Variants in RPH3AL observed in about 807,000 individuals in gnomAD.
RPH3AL encodes the protein rabphilin 3A like (without C2 domains), also known as rab effector Noc2.
A neutral mutation model predicts 43.1 loss-of-function variants in RPH3AL; 38 were observed. That is an observed-to-expected ratio of 0.88 (90% CI 0.68 to 1.15). The LOEUF (loss-of-function observed/expected upper bound fraction) is 1.15, where lower values mean the gene tolerates loss of function less well. Among genes scored for constraint, RPH3AL ranks in the 50% most tolerant of loss-of-function variants. RPH3AL has a pLI of 0.00. For synonymous variants in RPH3AL, 189 were observed against 176.3 expected, an observed-to-expected ratio of 1.07 and a Z score of -0.57; for missense variants, 462 against 423.2, an observed-to-expected ratio of 1.09 and a Z score of -0.81.
intron 7 of RPH3AL, among the ~76,000 whole-genome samples, chr17:236,001 A>AGGGTTCAAAGC (rs2041384187): frequency 4.1e-5 from 4 of 98,604 alleles, no homozygotes; most frequent in Non-Finnish European, 6.9e-5. Flanking sequence ...AGACGGGTCC[A>AGGGTTCAAAGC]TGGGTCAAAG....
intron 7 of RPH3AL, among the ~76,000 whole-genome samples, chr17:242,644 C>CCCTTCCTCTATTGACTA (rs1567576628): frequency 4.7e-5 from 6 of 128,762 alleles, no homozygotes; most frequent in Admixed American, 1.5e-4. Flanking sequence ...CTATTGATTA[C>CCCTTCCTCTATTGACTA]CCTTCCTCTA....
intron 1 of RPH3AL, among the ~76,000 whole-genome samples, chr17:351,793 G>C (rs2045358557): frequency 6.6e-6 from 1 of 152,018 alleles, no homozygotes; most frequent in Non-Finnish European, 1.5e-5. Context: ...GCCACAAATA[G>C]AAGGCAGATG....
chr17:253,333 C>T (rs1423406810), intron 6 of RPH3AL, among the ~76,000 whole-genome samples: 13 of 152,164 alleles, frequency 8.5e-5, no homozygotes, highest in South Asian at 4.2e-4. Context: ...CCATCTCTGT[C>T]GTGAGTCTTC....
rs1470572617 is a variant in RPH3AL, at chr17:242,987, A to AC, written c.613+4123dup. Among the ~76,000 whole-genome samples the AC allele has an allele frequency of 3.2e-4, 41 of 127,108 alleles. 1 individual carries two copies. The highest frequency in any genetic ancestry group is 4.9e-3 in the Middle Eastern group (1 of 204). The allele number at this position is 127,108 out of a possible 152,430, so 83.4% of individuals were successfully genotyped here. ...TATTGACTACCTTCCTCTATTGAAT[A>AC]CCTTCCTCTATTGAATACCTTCCTC... is the stretch of plus-strand genomic sequence containing the variant. On this transcript the variant is annotated intron_variant, in intron 7 of 9. Coordinates refer to ENST00000331302, the MANE Select transcript of RPH3AL (RefSeq NM_006987.4).
At chr17:259,618 C>T (rs868984035) in intron 6 of RPH3AL, among the ~76,000 whole-genome samples, 2 of 152,244 alleles carry the variant, frequency 1.3e-5, no homozygotes, top group Non-Finnish European at 2.9e-5. Flanking sequence ...CAAAACCCTA[C>T]TCGGCTCCCC....
intron 3 of RPH3AL, among the ~76,000 whole-genome samples, chr17:325,518 G>A (rs540306639): frequency 3.9e-5 from 6 of 152,170 alleles, no homozygotes; most frequent in South Asian, 2.1e-4. Context: ...GCCTGGAAGC[G>A]CTTCCCCCCT....
At chr17:282,233 G>T (rs2042798239) in intron 5 of RPH3AL, among the ~76,000 whole-genome samples, 1 of 152,242 alleles carries the variant, frequency 6.6e-6, no homozygotes, top group South Asian at 2.1e-4. Context: ...CGACGGCGGT[G>T]CTGCCTGGAA....
intron 6 of RPH3AL, among the ~76,000 whole-genome samples, chr17:275,320 G>C (rs2042628795): frequency 6.6e-6 from 1 of 151,738 alleles, no homozygotes; most frequent in Non-Finnish European, 1.5e-5. Context: ...TTTTACAATG[G>C]GATATAGACC....
intron 5 of RPH3AL, among the ~76,000 whole-genome samples, chr17:286,701 G>A (rs376172974): frequency 1.3e-5 from 2 of 152,172 alleles, no homozygotes; most frequent in South Asian, 4.1e-4. Flanking sequence ...GTCTAGGACA[G>A]TCCCGGGGCC....
At chr17:318,724 A>G (rs564441320) in intron 5 of RPH3AL, among the ~76,000 whole-genome samples, 1 of 152,358 alleles carries the variant, frequency 6.6e-6, no homozygotes, top group Admixed American at 6.5e-5. Context: ...TAAAAGCTAT[A>G]TTTAAAAAGT....
intron 3 of RPH3AL, chr17:321,670 C>T (rs868835411): frequency 3.6e-5 from 17 of 471,866 alleles, no homozygotes; most frequent in South Asian, 6.7e-5. Context: ...GCAACAGAGA[C>T]GGGGCAGGTG....
rs186940410 is a variant in RPH3AL at position 229,528 on chromosome 17, C to T, written c.614-9792G>A. Among the ~76,000 whole-genome samples the T allele has an allele frequency of 2.7e-3, 418 of 152,350 alleles. 2 individuals carry two copies. Among genetic ancestry groups the T allele is most frequent in the East Asian group, 0.014 (73 of 5,178 alleles). ...GAGCTGGGGTTTCCCCCAGGACAAG[C>T]GCTGGGCAAGCAGCCCTTCTGAGCC... On this transcript the variant is annotated intron_variant, in intron 7 of 9. Transcript: ENST00000331302.
chr17:323,553 C>T lies in RPH3AL; in HGVS notation c.78-2138G>A, dbSNP rs894576724. 8.5e-5 allele frequency among the ~76,000 whole-genome samples: 13 copies of T among 152,198 alleles called. No homozygotes were observed. Among genetic ancestry groups the T allele is most frequent in the African/African-American group, 2.9e-4 (12 of 41,450 alleles). On this transcript the variant is annotated intron_variant, in intron 3 of 9. Coordinates refer to ENST00000331302, the MANE Select transcript of RPH3AL (RefSeq NM_006987.4). This position sits in a 1 kb window ranked among gnomAD's most constrained non-coding sequence, Gnocchi z 4.4. ...GGGCCAGGACACACTTCGTGTGGTTCCCGGGCCAGGGGAAGGGAGTTGGAA... is the reference window on the plus strand; with the variant it reads ...GGGCCAGGACACACTTCGTGTGGTTTCCGGGCCAGGGGAAGGGAGTTGGAA...
intron 5 of RPH3AL, among the ~76,000 whole-genome samples, chr17:314,242 ACCACAGGCCAGGCTCTGTGCCTCT>A (rs1249740116): frequency 1.3e-5 from 2 of 152,058 alleles, no homozygotes; most frequent in Non-Finnish European, 2.9e-5. Flanking sequence ...TGGAATATTT[ACCACAGGCCAGGCTCTGTGCCTCT>A]CCACAGGCCC....
chr17:213,630 C>G lies in RPH3AL; in HGVS notation c.*222G>C, dbSNP rs1384324138. The G allele has an allele frequency of 8.4e-6, 5 of 594,500 alleles. No individual in the cohort carries two copies. The highest frequency in any genetic ancestry group is 1.5e-5 in the Non-Finnish European group (5 of 332,188). 36.8% of individuals were successfully genotyped at this position (594,500 alleles called of 1,614,324 possible). A position where few individuals can be genotyped will look rare whatever the true frequency, so the allele number is the denominator to read the frequency against. On this transcript the variant is annotated 3_prime_UTR_variant, in exon 10 of 10. Transcript: ENST00000331302. Reference sequence around the variant, plus strand: ...GGAGGGTAATAAATAAGGTCGGGGGCTGAGGGCAGTGGTTGGAGGGGGTGG... The same window carrying G: ...GGAGGGTAATAAATAAGGTCGGGGGGTGAGGGCAGTGGTTGGAGGGGGTGG...
intron 5 of RPH3AL, among the ~76,000 whole-genome samples, chr17:291,001 T>A (rs112116727): frequency 1.3e-5 from 2 of 151,942 alleles, no homozygotes; most frequent in Non-Finnish European, 2.9e-5. Context: ...GGGCTGTTCA[T>A]GAGCCTCACT....
chr17:310,345 T>C (rs1394245865), intron 5 of RPH3AL, among the ~76,000 whole-genome samples: 2 of 152,038 alleles, frequency 1.3e-5, no homozygotes, highest in Non-Finnish European at 2.9e-5. Flanking sequence ...ACAAGCTCAT[T>C]AGCTTGTAGC....
chr17:331,355 G>C (rs1384696860), intron 2 of RPH3AL: 1 of 75,614 alleles, frequency 1.3e-5, no homozygotes, highest in Non-Finnish European at 2.7e-5. Context: ...GGGGCCACGG[G>C]CAGCGCCAGG....
chr17:246,217 G>A lies in RPH3AL; in HGVS notation c.613+894C>T, dbSNP rs914114186. ...GTCGCAAAGCCCCTGAGAAGCGGCCGCCAGGTCTATTGTGATGGGTCCACT... is the reference window on the plus strand; with the variant it reads ...GTCGCAAAGCCCCTGAGAAGCGGCCACCAGGTCTATTGTGATGGGTCCACT... On this transcript the variant is annotated intron_variant, in intron 7 of 9. Transcript: ENST00000331302. This position sits in a 1 kb window ranked among gnomAD's most constrained non-coding sequence, Gnocchi z 4.8. 1.3e-5 allele frequency among the ~76,000 whole-genome samples: 2 copies of A among 152,138 alleles called. No individual in the cohort carries two copies. The highest frequency in any genetic ancestry group is 4.8e-5 in the African/African-American group (2 of 41,432).
Sources: allele counts gnomAD v4.1 joint callset (sites outside exome capture counted in the v4.1 genomes callset), GRCh38; gene constraint gnomAD v4.1.1; non-coding constraint Gnocchi (gnomAD v3.1); transcripts MANE v1.5; gene names NCBI Gene and HGNC (gene_info 2026-07-23, HGNC 2026-07-21).